Variants in ADAM23 observed in about 807,000 individuals in gnomAD.
ADAM23 encodes the protein disintegrin and metalloproteinase domain-containing protein 23.
ADAM23 carries 33 observed loss-of-function variants against 120.1 expected under a neutral mutation model. The ratio of observed to expected loss-of-function variants is 0.27; its 90% CI spans 0.21 to 0.37. ADAM23 has a LOEUF of 0.37. Among genes scored for constraint, ADAM23 ranks in the 10% least tolerant of loss-of-function variants. The pLI is 1.00. For missense variants in ADAM23, 862 were observed against 1,058.2 expected (o/e 0.81, Z 2.57); for synonymous variants, 367 against 375.2 (o/e 0.98, Z 0.25).
intron 22 of ADAM23, 65 bp from the exon 23 acceptor site, chr2:206,594,672 C>CGAG: frequency 6.3e-7 from 1 of 1,575,192 alleles, no homozygotes; most frequent in Non-Finnish European, 8.7e-7. Flanking sequence ...AAGAGCAAGC[C>CGAG]TCATTCATGG....
At chr2:206,501,473 G>A (rs1432725803) in intron 3 of ADAM23, among the ~76,000 whole-genome samples, 5 of 151,992 alleles carry the variant, frequency 3.3e-5, no homozygotes, top group African/African-American at 9.7e-5. Context: ...ATTGGTTCCT[G>A]ACATTGCTAT....
chr2:206,553,101 C>T (rs536578004), intron 9 of ADAM23, among the ~76,000 whole-genome samples: 66 of 152,146 alleles, frequency 4.3e-4, no homozygotes, highest in Admixed American at 1.0e-3. Context: ...AAAAAGGCCG[C>T]GTGTGGTGGC....
intron 3 of ADAM23, among the ~76,000 whole-genome samples, chr2:206,513,692 GGAA>G (rs1696673660): frequency 6.6e-6 from 1 of 152,178 alleles, no homozygotes; most frequent in South Asian, 2.1e-4. Flanking sequence ...CCTTCCTATT[GGAA>G]GAAGACTCCA....
intron 3 of ADAM23, among the ~76,000 whole-genome samples, chr2:206,487,698 G>C (rs539594640): frequency 6.6e-6 from 1 of 152,350 alleles, no homozygotes; most frequent in East Asian, 1.9e-4. Flanking sequence ...TTTAGCCCCT[G>C]CCCGATGCAG....
chr2:206,461,353 G>T (rs957553536), intron 2 of ADAM23, among the ~76,000 whole-genome samples: 1 of 151,978 alleles, frequency 6.6e-6, no homozygotes, highest in African/African-American at 2.4e-5. Flanking sequence ...GACCCATCGC[G>T]TCTGGCTTGA....
intron 2 of ADAM23, among the ~76,000 whole-genome samples, chr2:206,465,845 T>C (rs1695532356): frequency 6.6e-6 from 1 of 152,176 alleles, no homozygotes; most frequent in East Asian, 1.9e-4. Context: ...GTGATTTATA[T>C]AATGCTTCAG....
At chr2:206,487,865 C>T (rs541555090) in intron 3 of ADAM23, among the ~76,000 whole-genome samples, 7 of 152,208 alleles carry the variant, frequency 4.6e-5, no homozygotes, top group African/African-American at 7.2e-5. Flanking sequence ...GGGAGAACTC[C>T]GGGTGAAATC....
At chr2:206,519,457 T>G (rs1398704484) in intron 3 of ADAM23, among the ~76,000 whole-genome samples, 8 of 152,166 alleles carry the variant, frequency 5.3e-5, no homozygotes, top group Admixed American at 6.6e-5. Context: ...GAAGTCCCAG[T>G]GAACAATTTT....
In ADAM23 at chr2:206,542,053, G is replaced by T. The variant is rs1559255767; in HGVS notation, c.575G>T (p.Gly192Val). ...YENGKPQYSK[G>V]GEHCYYHGSI... ...CAATCAATGAAACCTGCTTTCCAGG[G>T]TGGAGAGCACTGTTACTACCATGGA... The change falls in exon 5 of 26, where the codon GGT becomes GTT. Residue 192 changes from glycine (G) to valine (V), a missense_variant and splice_region_variant. Transcript: ENST00000264377. The T allele has an allele frequency of 1.2e-6, 2 of 1,613,964 alleles. No homozygotes were observed. The highest frequency in any genetic ancestry group is 1.7e-6 in the Non-Finnish European group (2 of 1,179,888).
intron 2 of ADAM23, among the ~76,000 whole-genome samples, chr2:206,453,672 G>T (rs1236917680): frequency 6.6e-6 from 1 of 152,180 alleles, no homozygotes; most frequent in Non-Finnish European, 1.5e-5. Context: ...GTTTTACTCA[G>T]AATAATGAGA....
rs1379685467 is a variant in ADAM23, at chr2:206,619,294, C to T, written c.*1667C>T. ...GCCAGATTTGCAGATGTAATCTGGGCTTTCCAAGTCCCTCTGAGTTTCCTT... is the reference window on the plus strand; with the variant it reads ...GCCAGATTTGCAGATGTAATCTGGGTTTTCCAAGTCCCTCTGAGTTTCCTT... On this transcript the variant is annotated 3_prime_UTR_variant, in exon 26 of 26. Transcript: ENST00000264377. 6.6e-6 allele frequency: 1 copy of T among 152,196 alleles called. No homozygotes were observed. Among genetic ancestry groups the T allele is most frequent in the Non-Finnish European group, 1.5e-5 (1 of 68,040 alleles). The allele number at this position is 152,196 out of a possible 1,614,324, so 9.4% of individuals were successfully genotyped here.
intron 3 of ADAM23, among the ~76,000 whole-genome samples, chr2:206,522,698 C>T (rs557768740): frequency 2.6e-5 from 4 of 152,216 alleles, no homozygotes; most frequent in Admixed American, 6.5e-5. Context: ...TCACCAACTA[C>T]ATTCATTATT....
chr2:206,579,239 A>G (rs1049808075), intron 18 of ADAM23, among the ~76,000 whole-genome samples: 1 of 152,104 alleles, frequency 6.6e-6, no homozygotes, highest in Admixed American at 6.5e-5. Context: ...TAGTTTAATT[A>G]GGTCCCAACT....
chr2:206,570,912 C>T, intron 16 of ADAM23, 101 bp downstream of exon 16: 1 of 983,438 alleles, frequency 1.0e-6, no homozygotes, highest in Non-Finnish European at 1.6e-6. Context: ...GGTCTTACTG[C>T]CTTTCTTTCT....
chr2:206,590,912 G>T (rs1698413835), intron 21 of ADAM23, among the ~76,000 whole-genome samples: 1 of 152,164 alleles, frequency 6.6e-6, no homozygotes, highest in South Asian at 2.1e-4. Flanking sequence ...TGTGTCTCAT[G>T]ACCTCAAAAA....
Position 206,570,337 on chromosome 2 carries a change from T to G in ADAM23, c.1495-403T>G, listed in dbSNP as rs371331779. 3.3e-4 allele frequency among the ~76,000 whole-genome samples: 51 copies of G among 152,336 alleles called. 3 individuals are homozygous for G. Among genetic ancestry groups the G allele is most frequent in the East Asian group, 3.1e-3 (16 of 5,170 alleles). On this transcript the variant is annotated intron_variant, in intron 15 of 25. Transcript: ENST00000264377. ...TGAAGCATATTTATCTTTTTGACAG[T>G]TTTTATGGCTTCTCAGCTGTCTTGA...
chr2:206,592,487 T>A (rs1698443261), intron 21 of ADAM23, 130 bp from the exon 22 acceptor site: 2 of 1,195,420 alleles, frequency 1.7e-6, no homozygotes, highest in Non-Finnish European at 2.3e-6. Flanking sequence ...CAATGATATA[T>A]GATCAAATGT....
At position 206,481,233 on chromosome 2, in the gene ADAM23, C is replaced by T; in HGVS notation, c.434C>T (p.Ala145Val). Residue 145 changes from alanine (A) to valine (V), a missense_variant and splice_region_variant, in exon 3 of 26, where the codon GCT (alanine) becomes GTT (valine). Physicochemically the swap from Ala to Val is moderately conservative, Grantham distance 64. Coordinates refer to ENST00000264377, the MANE Select transcript of ADAM23 (RefSeq NM_003812.4). Reference protein sequence around the residue: ...KARHQQKHNKAVHLAQASFQI... With the variant: ...KARHQQKHNKVVHLAQASFQI... Reference sequence around the variant, plus strand: ...TCTTCTGTCTTTTTGAATCCATAGGCTGTCCATCTGGCCCAGGCAAGCTTC... The same window carrying T: ...TCTTCTGTCTTTTTGAATCCATAGGTTGTCCATCTGGCCCAGGCAAGCTTC... 6.2e-7 allele frequency: 1 copy of T among 1,609,018 alleles called. No individual in the cohort carries two copies. The highest frequency in any genetic ancestry group is 8.5e-7 in the Non-Finnish European group (1 of 1,178,066).
chr2:206,501,745 C>G (rs1218847744), intron 3 of ADAM23, among the ~76,000 whole-genome samples: 1 of 152,050 alleles, frequency 6.6e-6, no homozygotes, highest in Non-Finnish European at 1.5e-5. Flanking sequence ...ATAGCAATCT[C>G]AGGTTGAATT....
Sources: gnomAD v4.1 joint callset for allele counts (sites outside exome capture counted in the v4.1 genomes callset) on GRCh38, gnomAD v4.1.1 for gene constraint, MANE v1.5 for transcripts, NCBI Gene and HGNC (gene_info 2026-07-23, HGNC 2026-07-21) for gene names.